Variants in BPGM observed in about 807,000 individuals in gnomAD.
The protein encoded by BPGM is 2,3-bisphosphoglycerate mutase, erythrocyte.
BPGM carries 15 observed loss-of-function variants against 21.6 expected under a neutral mutation model. The ratio of observed to expected loss-of-function variants is 0.70; its 90% CI spans 0.47 to 1.07. The LOEUF (loss-of-function observed/expected upper bound fraction) is 1.07, where lower values mean the gene tolerates loss of function less well. Among genes scored for constraint, BPGM ranks in the 50% least tolerant of loss-of-function variants. The pLI, the probability that BPGM is intolerant of heterozygous loss-of-function variation, is 0.00. For synonymous variants in BPGM, 113 were observed against 116.2 expected, an observed-to-expected ratio of 0.97 and a Z score of 0.18; for missense variants, 273 against 319.0, an observed-to-expected ratio of 0.86 and a Z score of 1.10.
At chr7:134,668,682 T>C (rs1795856259) in intron 2 of BPGM, among the ~76,000 whole-genome samples, 1 of 152,232 alleles carries the variant, frequency 6.6e-6, no homozygotes, top group Non-Finnish European at 1.5e-5. Flanking sequence ...CTGGTCATAT[T>C]TTTTATTTCA....
At chr7:134,648,711 G>A (rs532840784) in intron 1 of BPGM, among the ~76,000 whole-genome samples, 146 of 150,254 alleles carry the variant, frequency 9.7e-4, no homozygotes, top group Non-Finnish European at 1.5e-3. Flanking sequence ...ACAGGGTCTC[G>A]CTCTGTTGCC....
chr7:134,679,184 A>G lies in BPGM; in HGVS notation c.*153A>G, dbSNP rs936706099. 22 of 854,604 alleles carry G rather than the reference A, an allele frequency of 2.6e-5. No homozygotes were observed. In the African/African-American group the frequency reaches 3.7e-4, roughly 15 times the overall value. The allele number at this position is 854,604 out of a possible 1,614,324, so 52.9% of individuals were successfully genotyped here. A position where few individuals can be genotyped will look rare whatever the true frequency, so the allele number is the denominator to read the frequency against. ...AACTAGGTAACTTATTGTGGCCCAG[A>G]TAAGGCTTTAGGATGCCTCAGTGCT... On this transcript the variant is annotated 3_prime_UTR_variant, in exon 3 of 3. Transcript: ENST00000344924.
chr7:134,669,574 G>A (rs765025973), intron 2 of BPGM, among the ~76,000 whole-genome samples: 4 of 151,974 alleles, frequency 2.6e-5, no homozygotes, highest in African/African-American at 4.8e-5. Context: ...ATACTGATTC[G>A]GAGCTAGATA....
intron 2 of BPGM, among the ~76,000 whole-genome samples, chr7:134,669,994 G>C (rs187782623): frequency 2.6e-5 from 4 of 152,134 alleles, no homozygotes; most frequent in Admixed American, 2.6e-4. Context: ...GTTCCAGACA[G>C]GCGTGTGTTT....
intron 1 of BPGM, among the ~76,000 whole-genome samples, chr7:134,656,056 G>A (rs1346746166): frequency 2.0e-5 from 3 of 152,172 alleles, no homozygotes; most frequent in African/African-American, 7.2e-5. Flanking sequence ...ATGGTCCTTG[G>A]ACCAGCCATG....
intron 2 of BPGM, among the ~76,000 whole-genome samples, chr7:134,676,635 G>A (rs1255024867): frequency 6.6e-6 from 1 of 152,144 alleles, no homozygotes; most frequent in Admixed American, 6.5e-5. Flanking sequence ...GTGCTAGAGG[G>A]ACTTATTTTA....
intron 2 of BPGM, among the ~76,000 whole-genome samples, chr7:134,665,783 T>G (rs545638697): frequency 3.9e-5 from 6 of 152,030 alleles, no homozygotes; most frequent in Non-Finnish European, 7.4e-5. Context: ...GCTTTTTATT[T>G]TATTTTATTT....
rs557253408 is a variant in BPGM at position 134,662,112 on chromosome 7, C to T, written c.601+4C>T. 1.1e-5 allele frequency: 17 copies of T among 1,613,984 alleles called. No homozygotes were observed. In the Admixed American group the frequency reaches 1.2e-4, roughly 11 times the overall value. ...GCACTCCTAAAACACCTGGAAGGTACCAGCTTTATATACCACTTATTAGAG... is the reference window on the plus strand; with the variant it reads ...GCACTCCTAAAACACCTGGAAGGTATCAGCTTTATATACCACTTATTAGAG... On this transcript the variant is annotated splice_donor_region_variant and intron_variant, in intron 2 of 2. Coordinates refer to ENST00000344924, the MANE Select transcript of BPGM (RefSeq NM_001724.5).
Position 134,679,223 on chromosome 7 carries a change from T to G in BPGM, c.*192T>G. On this transcript the variant is annotated 3_prime_UTR_variant, in exon 3 of 3. Transcript: ENST00000344924. ...TGCCTCAGTGCTTATGTCATAGCCT[T>G]ATGAGTTAGCTTTCTTGCTAGCCCC... The G allele has an allele frequency of 1.6e-6, 1 of 625,676 alleles. No homozygotes were observed. The highest frequency in any genetic ancestry group is 2.0e-5 in the South Asian group (1 of 48,848). The allele number at this position is 625,676 out of a possible 1,614,324, so 38.8% of individuals were successfully genotyped here.
chr7:134,676,384 C>G (rs1309863296), intron 2 of BPGM, among the ~76,000 whole-genome samples: 1 of 152,178 alleles, frequency 6.6e-6, no homozygotes, highest in Non-Finnish European at 1.5e-5. Flanking sequence ...AACATGGTCA[C>G]TTTTGTTATC....
chr7:134,658,312 C>T (rs956247862), intron 1 of BPGM: 30 of 152,180 alleles, frequency 2.0e-4, no homozygotes, highest in African/African-American at 6.3e-4. Context: ...TCCTAGTCTT[C>T]GATGTCAGCA....
At chr7:134,663,020 G>T (rs2131434923) in intron 2 of BPGM, among the ~76,000 whole-genome samples, 1 of 152,218 alleles carries the variant, frequency 6.6e-6, no homozygotes, top group African/African-American at 2.4e-5. Flanking sequence ...TGTGCTTTTT[G>T]CGTGATATGC....
chr7:134,674,268 C>T (rs111359952), intron 2 of BPGM, among the ~76,000 whole-genome samples: 4 of 152,096 alleles, frequency 2.6e-5, no homozygotes, highest in African/African-American at 4.8e-5. Flanking sequence ...CTATGCAATT[C>T]GCCATTTAAA....
At chr7:134,650,421 G>T (rs4732042) in intron 1 of BPGM, among the ~76,000 whole-genome samples, 110,452 of 152,222 alleles carry the variant, frequency 0.73, 41,502 homozygotes, top group East Asian at 0.96. Context: ...GTAAGATTGG[G>T]GAATGAGAGG....
intron 2 of BPGM, among the ~76,000 whole-genome samples, chr7:134,675,552 T>C (rs754041020): frequency 1.3e-5 from 2 of 152,188 alleles, no homozygotes; most frequent in Non-Finnish European, 2.9e-5. Context: ...TGGAAATCAA[T>C]TGATAAAAAA....
chr7:134,673,937 G>T (rs1162048841), intron 2 of BPGM, among the ~76,000 whole-genome samples: 3 of 134,168 alleles, frequency 2.2e-5, no homozygotes, highest in Admixed American at 1.6e-4. Flanking sequence ...AATTGAGACA[G>T]AGTCTTGCTG....
At chr7:134,650,733 T>C (rs1795542581) in intron 1 of BPGM, among the ~76,000 whole-genome samples, 1 of 152,156 alleles carries the variant, frequency 6.6e-6, no homozygotes, top group Non-Finnish European at 1.5e-5. Flanking sequence ...CCATCCTGGC[T>C]AACATGGTGA....
At position 134,679,106 on chromosome 7, in the gene BPGM, C is replaced by G. The variant is rs1219392472; in HGVS notation, c.*75C>G. 1 of 1,517,950 alleles carries G rather than the reference C, an allele frequency of 6.6e-7. No homozygotes were observed. The allele number at this position is 1,517,950 out of a possible 1,614,324, so 94.0% of individuals were successfully genotyped here. On this transcript the variant is annotated 3_prime_UTR_variant, in exon 3 of 3. Coordinates refer to ENST00000344924, the MANE Select transcript of BPGM (RefSeq NM_001724.5). ...GTGTGTTATGGGTGCTGAACTCTCT[C>G]TCTTTTTCCCCGATTTTCCAGAGCT...
At chr7:134,674,357 A>G (rs1223070122) in intron 2 of BPGM, among the ~76,000 whole-genome samples, 1 of 152,080 alleles carries the variant, frequency 6.6e-6, no homozygotes, top group Non-Finnish European at 1.5e-5. Flanking sequence ...CATTTTCACT[A>G]CCCTAAAAAG....
Sources: gnomAD v4.1 joint callset for allele counts (sites outside exome capture counted in the v4.1 genomes callset) on GRCh38, gnomAD v4.1.1 for gene constraint, MANE v1.5 for transcripts, NCBI Gene and HGNC (gene_info 2026-07-23, HGNC 2026-07-21) for gene names.